The following NUTF2 variants were observed in gnomAD, a reference collection of about 807,000 sequenced individuals.
NUTF2 encodes nuclear transport factor 2.
In NUTF2, 3 loss-of-function variants were observed where a neutral mutation model predicts 18.5. The ratio of observed to expected loss-of-function variants is 0.16; its 90% CI spans 0.07 to 0.42. The LOEUF is 0.42. Ranked by LOEUF, NUTF2 falls within the 10% of genes least tolerant of loss-of-function variation. The pLI is 0.99. For synonymous variants in NUTF2, 51 were observed against 57.9 expected, an observed-to-expected ratio of 0.88 and a Z score of 0.54; for missense variants, 44 against 160.7, an observed-to-expected ratio of 0.27 and a Z score of 3.93.
chr16:67,855,987 C>T (rs2057893953), intron 1 of NUTF2: 9 of 1,225,028 alleles, frequency 7.3e-6, no homozygotes, highest in African/African-American at 3.0e-5. Flanking sequence ...TTGGTGCCAG[C>T]GGCCTTGGTG....
intron 1 of NUTF2, chr16:67,847,793 G>A (rs1379458845): frequency 6.6e-6 from 1 of 152,506 alleles, no homozygotes. Flanking sequence ...TGCCCCGCAG[G>A]ACAGGATGAC....
At chr16:67,869,650 T>C (rs2057998261) in intron 4 of NUTF2, among the ~76,000 whole-genome samples, 1 of 151,842 alleles carries the variant, frequency 6.6e-6, no homozygotes, top group Non-Finnish European at 1.5e-5. Context: ...CCAGGCATGG[T>C]GGCACATGCC....
Position 67,870,855 on chromosome 16 carries a change from A to G in NUTF2, c.326A>G (p.Asn109Ser), listed in dbSNP as rs902718683. The change falls in exon 5 of 5, where the codon AAC becomes AGC. Residue 109 changes from asparagine (N) to serine (S), a missense_variant. Transcript: ENST00000219169. The part of the protein sequence containing the change: ...FHQMFLLKNI[N>S]DAWVCTNDMF... ...CAGATGTTCCTATTAAAGAACATCA[A>G]CGATGCTTGGGTTTGCACCAATGAC... is the stretch of plus-strand genomic sequence containing the variant. The G allele has an allele frequency of 3.1e-6, 5 of 1,614,030 alleles. No individual in the cohort carries two copies. The highest frequency in any genetic ancestry group is 3.4e-6 in the Non-Finnish European group (4 of 1,179,870).
Position 67,868,420 on chromosome 16 carries a change from G to A in NUTF2, c.171+9G>A, listed in dbSNP as rs1374368601. 4.3e-6 allele frequency: 7 copies of A among 1,614,000 alleles called. No homozygotes were observed. Among genetic ancestry groups the A allele is most frequent in the African/African-American group, 4.0e-5 (3 of 74,906 alleles). On this transcript the variant is annotated intron_variant, in intron 3 of 4. Transcript: ENST00000219169. ...TTGTGGAGAAGTTGTCTGTAAGTAG[G>A]GAAGAAAGCCAGGGTGCAGGTGGCT... is the stretch of plus-strand genomic sequence containing the variant.
At chr16:67,853,692 G>A (rs548173053) in intron 1 of NUTF2, among the ~76,000 whole-genome samples, 1 of 152,016 alleles carries the variant, frequency 6.6e-6, no homozygotes, top group Non-Finnish European at 1.5e-5. Flanking sequence ...TTTAGTTTTT[G>A]TGGAGACAAA....
intron 1 of NUTF2, among the ~76,000 whole-genome samples, chr16:67,850,033 A>G (rs1008951854): frequency 1.3e-5 from 2 of 150,512 alleles, no homozygotes; most frequent in Non-Finnish European, 3.0e-5. Context: ...TTCAAGCGAT[A>G]CTCCCACCTC....
Position 67,872,365 on chromosome 16 carries a change from G to A in NUTF2, c.*1452G>A, listed in dbSNP as rs547713273. On this transcript the variant is annotated 3_prime_UTR_variant, in exon 5 of 5. Coordinates refer to ENST00000219169, the MANE Select transcript of NUTF2 (RefSeq NM_005796.3). ...GATTGCCTGGTGACATTGGGCACAG[G>A]GCTGGATGGTGTGCTGTTTGAGAGG... 28 of 152,378 alleles carry A rather than the reference G, an allele frequency of 1.8e-4. No individual in the cohort carries two copies. Among genetic ancestry groups the A allele is most frequent in the African/African-American group, 6.7e-4 (28 of 41,576 alleles). 9.4% of individuals were successfully genotyped at this position (152,378 alleles called of 1,614,324 possible). A position where few individuals can be genotyped will look rare whatever the true frequency, so the allele number is the denominator to read the frequency against.
At chr16:67,865,255 A>G in intron 2 of NUTF2, 26 bp downstream of exon 2, 3 of 1,522,586 alleles carry the variant, frequency 2.0e-6, no homozygotes, top group Non-Finnish European at 2.7e-6. Flanking sequence ...TAGGGCCAGA[A>G]TGGACCCTAG....
chr16:67,868,530 C>T lies in NUTF2; in HGVS notation c.201C>T (p.Ser67=), dbSNP rs528007247. ...TTCCGTTCCAGAAAATTCAGCACAG[C>T]ATCACCGCGCAGGACCATCAGCCCA... The part of the protein sequence containing the change: ...SSLPFQKIQH[S]ITAQDHQPTP... The change falls in exon 4 of 5, where the codon AGC becomes AGT. Residue 67 remains serine, a synonymous_variant. Coordinates refer to ENST00000219169, the MANE Select transcript of NUTF2 (RefSeq NM_005796.3). 1.2e-6 allele frequency: 2 copies of T among 1,614,146 alleles called. No individual in the cohort carries two copies. Among genetic ancestry groups the T allele is most frequent in the East Asian group, 2.2e-5 (1 of 44,882 alleles).
At chr16:67,869,015 C>T (rs1212440531) in intron 4 of NUTF2, among the ~76,000 whole-genome samples, 1 of 151,740 alleles carries the variant, frequency 6.6e-6, no homozygotes, top group Non-Finnish European at 1.5e-5. Flanking sequence ...GCAGCCCTTG[C>T]TACCACTCCT....
intron 1 of NUTF2, among the ~76,000 whole-genome samples, chr16:67,854,893 G>A (rs2057884348): frequency 6.6e-6 from 1 of 152,074 alleles, no homozygotes; most frequent in South Asian, 2.1e-4. Context: ...GGTGAGCCAA[G>A]ATCGCGCCAC....
chr16:67,869,198 C>T (rs1486796423), intron 4 of NUTF2, among the ~76,000 whole-genome samples: 1 of 151,874 alleles, frequency 6.6e-6, no homozygotes, highest in Non-Finnish European at 1.5e-5. Context: ...ATTCTCCAGC[C>T]TCAGCTTCCC....
intron 1 of NUTF2, among the ~76,000 whole-genome samples, chr16:67,860,821 A>G (rs1004610881): frequency 1.3e-5 from 2 of 151,732 alleles, no homozygotes; most frequent in Non-Finnish European, 2.9e-5. Flanking sequence ...CTTCTCGATC[A>G]CTCTCCTGCC....
chr16:67,863,649 A>G (rs1416618066), intron 1 of NUTF2, among the ~76,000 whole-genome samples: 1 of 152,156 alleles, frequency 6.6e-6, no homozygotes, highest in Non-Finnish European at 1.5e-5. Flanking sequence ...AAGGGCAGTG[A>G]CTTGCATCAG....
Position 67,871,250 on chromosome 16 carries a change from A to G in NUTF2, c.*337A>G, listed in dbSNP as rs1056662285. ...GGAGAAAGCAGCTGCCTCACCGCCC[A>G]GACATTGATTTGTTCAGATGTTTCA... On this transcript the variant is annotated 3_prime_UTR_variant, in exon 5 of 5. Transcript: ENST00000219169. 3 of 210,726 alleles carry G rather than the reference A, an allele frequency of 1.4e-5. No individual in the cohort carries two copies. Among genetic ancestry groups the G allele is most frequent in the African/African-American group, 7.1e-5 (3 of 42,254 alleles). The allele number at this position is 210,726 out of a possible 1,614,324, so 13.1% of individuals were successfully genotyped here.
intron 2 of NUTF2, among the ~76,000 whole-genome samples, chr16:67,866,265 C>A (rs1378490035): frequency 6.6e-6 from 1 of 150,912 alleles, no homozygotes; most frequent in Admixed American, 6.6e-5. Flanking sequence ...AGTGGAAGAC[C>A]AATTCCAGCA....
rs1457320514 is a variant in NUTF2 at position 67,855,862 on chromosome 16, T to G, written c.-30+8877T>G. The G allele has an allele frequency of 5.6e-5, 24 of 427,866 alleles. No individual in the cohort carries two copies. In the Admixed American group the frequency reaches 8.4e-4, roughly 15 times the overall value. 26.5% of individuals were successfully genotyped at this position (427,866 alleles called of 1,614,324 possible). ...GGGGAAGACAAGGCCTGGGCTGCAT[T>G]CCTTGCCACCCGATTTTTTTTTGGC... On this transcript the variant is annotated intron_variant, in intron 1 of 4. Transcript: ENST00000219169.
At chr16:67,858,073 C>T (rs962508337) in intron 1 of NUTF2, among the ~76,000 whole-genome samples, 9 of 152,106 alleles carry the variant, frequency 5.9e-5, no homozygotes, top group Non-Finnish European at 8.8e-5. Flanking sequence ...GGAGATAGAC[C>T]GTAAACAAAT....
At position 67,870,966 on chromosome 16, in the gene NUTF2, A is replaced by T; in HGVS notation, c.*53A>T. On this transcript the variant is annotated 3_prime_UTR_variant, in exon 5 of 5. Transcript: ENST00000219169. ...TTTCCTCCTCCCTCCTCTTCCCAAT[A>T]CTATTCCCACTCCTCCAGATGCTCC... The T allele has an allele frequency of 1.6e-6, 2 of 1,268,636 alleles. No homozygotes were observed. Among genetic ancestry groups the T allele is most frequent in the Non-Finnish European group, 2.3e-6 (2 of 867,522 alleles). The allele number at this position is 1,268,636 out of a possible 1,614,324, so 78.6% of individuals were successfully genotyped here. A position where few individuals can be genotyped will look rare whatever the true frequency, so the allele number is the denominator to read the frequency against.
Sources: gnomAD v4.1 joint callset for allele counts (sites outside exome capture counted in the v4.1 genomes callset) on GRCh38, gnomAD v4.1.1 for gene constraint, MANE v1.5 for transcripts, NCBI Gene and HGNC (gene_info 2026-07-23, HGNC 2026-07-21) for gene names.